Variants in CDH20 observed in about 807,000 individuals in gnomAD.
CDH20 encodes the protein cadherin-20.
Under a neutral mutation model 74.2 loss-of-function variants are expected in CDH20, and 29 were observed. The ratio of observed to expected loss-of-function variants is 0.39; its 90% confidence interval spans 0.29 to 0.53. The LOEUF (loss-of-function observed/expected upper bound fraction) is 0.53, where lower values mean the gene tolerates loss of function less well. CDH20 is among the 20% of genes least tolerant of loss of function. The pLI is 0.69. For missense variants in CDH20, 988 were observed against 1,048.3 expected, an observed-to-expected ratio of 0.94 and a Z score of 0.79; for synonymous variants, 469 against 405.4, an observed-to-expected ratio of 1.16 and a Z score of -1.88.
chr18:61,527,586 T>A (rs1396244671), intron 6 of CDH20, among the ~76,000 whole-genome samples: 2 of 152,150 alleles, frequency 1.3e-5, no homozygotes, highest in Middle Eastern at 3.2e-3. Flanking sequence ...ATTTTAGAAC[T>A]GAGACAGTAC....
At chr18:61,507,619 C>G in intron 6 of CDH20, 59 bp downstream of exon 6, 1 of 1,244,260 alleles carries the variant, frequency 8.0e-7, no homozygotes, top group Non-Finnish European at 1.1e-6. Context: ...TTATGAAATG[C>G]TAGTAAGGAC....
At chr18:61,378,556 T>C (rs1197858339) in intron 1 of CDH20, among the ~76,000 whole-genome samples, 6 of 152,134 alleles carry the variant, frequency 3.9e-5, no homozygotes, top group Non-Finnish European at 5.9e-5. Context: ...AGAAACATCC[T>C]CTTTACTCAG....
chr18:61,550,096 A>G lies in CDH20; in HGVS notation c.1767A>G (p.Thr589=), dbSNP rs1484097832. Residue 589 remains threonine (T), a synonymous_variant, in exon 11 of 12, where the codon ACA becomes ACG. Transcript: ENST00000262717. ...AGCCCGTGCTGAGCAGCACAGGCAC[A>G]CTGACCATCCAAGTGTGCAGCTGTG... ...SGQPVLSSTG[T]LTIQVCSCDD... is the part of the protein sequence containing the mutation. 1.2e-6 allele frequency: 2 copies of G among 1,614,116 alleles called. No homozygotes were observed. Among genetic ancestry groups the G allele is most frequent in the East Asian group, 2.2e-5 (1 of 44,898 alleles).
At chr18:61,384,591 T>C (rs1911535483) in intron 1 of CDH20, among the ~76,000 whole-genome samples, 1 of 152,174 alleles carries the variant, frequency 6.6e-6, no homozygotes, top group African/African-American at 2.4e-5. Context: ...GAGCACTAAA[T>C]AAGTATCTGA....
chr18:61,373,578 T>C (rs920699514), intron 1 of CDH20, among the ~76,000 whole-genome samples: 4 of 151,908 alleles, frequency 2.6e-5, no homozygotes, highest in African/African-American at 9.7e-5. Context: ...ACACCTTAAT[T>C]CCCCACCATA....
intron 1 of CDH20, among the ~76,000 whole-genome samples, chr18:61,477,747 T>C (rs1228439031): frequency 1.3e-5 from 2 of 152,158 alleles, no homozygotes; most frequent in Non-Finnish European, 2.9e-5. Flanking sequence ...CAAAATTGTC[T>C]TCCAGAAAGC....
chr18:61,454,602 C>A (rs1236062308), intron 1 of CDH20, among the ~76,000 whole-genome samples: 2 of 152,196 alleles, frequency 1.3e-5, no homozygotes, highest in Non-Finnish European at 2.9e-5. Flanking sequence ...CTTTCAGCCA[C>A]CCTCTTCTAA....
intron 1 of CDH20, among the ~76,000 whole-genome samples, chr18:61,443,701 T>G (rs1383949471): frequency 2.6e-5 from 4 of 152,168 alleles, no homozygotes; most frequent in Non-Finnish European, 5.9e-5. Flanking sequence ...TTTTCTTTTA[T>G]AGAGGATGCA....
At chr18:61,439,588 T>C (rs1460783382) in intron 1 of CDH20, among the ~76,000 whole-genome samples, 1 of 152,194 alleles carries the variant, frequency 6.6e-6, no homozygotes, top group Non-Finnish European at 1.5e-5. Context: ...GTCTCTGATT[T>C]ACCTGTTTCA....
chr18:61,462,908 A>C (rs1280211305), intron 1 of CDH20, among the ~76,000 whole-genome samples: 1 of 152,212 alleles, frequency 6.6e-6, no homozygotes, highest in Non-Finnish European at 1.5e-5. Flanking sequence ...CATTTGCTCC[A>C]CAAATATAAA....
rs536927945 is a variant in CDH20, at chr18:61,505,603, T to G, written c.830-1770T>G. 2.6e-3 allele frequency among the ~76,000 whole-genome samples: 396 copies of G among 152,272 alleles called. 2 individuals carry two copies. The highest frequency in any genetic ancestry group is 8.8e-3 in the African/African-American group (366 of 41,550). ...TGCCTTCCTCAGGCTCCCAAGGTGC[T>G]GATATTACAGGCATGAGCCACCACA... On this transcript the variant is annotated intron_variant, in intron 5 of 11. Transcript: ENST00000262717.
intron 1 of CDH20, among the ~76,000 whole-genome samples, chr18:61,363,271 A>G (rs1910758427): frequency 6.6e-6 from 1 of 152,142 alleles, no homozygotes; most frequent in Non-Finnish European, 1.5e-5. Flanking sequence ...ACAGCATGGT[A>G]TATTGTGCAG....
At chr18:61,414,198 G>A (rs750724078) in intron 1 of CDH20, among the ~76,000 whole-genome samples, 2 of 152,122 alleles carry the variant, frequency 1.3e-5, no homozygotes, top group Non-Finnish European at 2.9e-5. Context: ...AATAAAACCA[G>A]TGGGAAGCCA....
chr18:61,494,940 G>C (rs1911080713), intron 2 of CDH20, among the ~76,000 whole-genome samples: 1 of 152,124 alleles, frequency 6.6e-6, no homozygotes, highest in Admixed American at 6.5e-5. Context: ...CATCATTCTT[G>C]TTTTTGAAAT....
rs1449356386 is a variant in CDH20 at position 61,538,608 on chromosome 18, G to GTTTT, written c.1409-414_1409-411dup. 2.5e-3 allele frequency among the ~76,000 whole-genome samples: 91 copies of GTTTT among 36,318 alleles called. 2 individuals are homozygous for GTTTT. The highest frequency in any genetic ancestry group is 0.021 in the Middle Eastern group (1 of 48). 23.8% of individuals were successfully genotyped at this position (36,318 alleles called of 152,430 possible). On this transcript the variant is annotated intron_variant, in intron 8 of 11. Transcript: ENST00000262717. ...TGTTTGTTTGTTTGTTTTTGTTTTT[G>GTTTT]TTTTTGTTTTTGTTTTGTTTTTTTT...
intron 1 of CDH20, among the ~76,000 whole-genome samples, chr18:61,384,748 T>C (rs1435608164): frequency 6.6e-6 from 1 of 152,200 alleles, no homozygotes; most frequent in East Asian, 1.9e-4. Flanking sequence ...CATTAATATT[T>C]ACCTTTAAAA....
chr18:61,440,250 G>T (rs183604396), intron 1 of CDH20, among the ~76,000 whole-genome samples: 1 of 152,248 alleles, frequency 6.6e-6, no homozygotes, highest in Admixed American at 6.5e-5. Context: ...TACAAGAAAA[G>T]ACTTTATATT....
intron 1 of CDH20, among the ~76,000 whole-genome samples, chr18:61,375,363 A>T (rs1911186267): frequency 6.6e-6 from 1 of 152,200 alleles, no homozygotes; most frequent in Non-Finnish European, 1.5e-5. Context: ...CACAGACCCT[A>T]CAAATTTCTG....
At chr18:61,469,824 T>C (rs1384560879) in intron 1 of CDH20, among the ~76,000 whole-genome samples, 1 of 152,186 alleles carries the variant, frequency 6.6e-6, no homozygotes, top group African/African-American at 2.4e-5. Context: ...TACACATACA[T>C]ACACACATGC....
Sources: gnomAD v4.1 joint callset for allele counts (sites outside exome capture counted in the v4.1 genomes callset) on GRCh38, gnomAD v4.1.1 for gene constraint, MANE v1.5 for transcripts, NCBI Gene and HGNC (gene_info 2026-07-23, HGNC 2026-07-21) for gene names.